Variants in GALNT16 observed in about 807,000 individuals in gnomAD.
GALNT16 encodes UDP-GalNAc:polypeptide N-acetylgalactosaminyltransferase-like protein 1.
In GALNT16, 40 loss-of-function variants were observed where a neutral mutation model predicts 76.1. The ratio of observed to expected loss-of-function variants is 0.53; its 90% CI spans 0.41 to 0.68. GALNT16 has a LOEUF of 0.68. Among genes scored for constraint, GALNT16 ranks in the 30% least tolerant of loss-of-function variants. The pLI is 0.00. For missense variants in GALNT16, 621 were observed against 731.9 expected (o/e 0.85, Z 1.75); for synonymous variants, 276 against 285.2 (o/e 0.97, Z 0.32).
At chr14:69,382,789 C>CAAAAAAAAAAAAAAAAA in the GALNT16 span, among the ~76,000 whole-genome samples, 6 of 103,168 alleles carry the variant, frequency 5.8e-5, no homozygotes, top group African/African-American at 2.2e-4. Flanking sequence ...ACTCTATCTC[C>CAAAAAAAAAAAAAAAAA]AAAAGAAAAA....
At chr14:69,362,234 C>T in the GALNT16 span, among the ~76,000 whole-genome samples, 5 of 152,186 alleles carry the variant, frequency 3.3e-5, no homozygotes, top group Non-Finnish European at 5.9e-5. Context: ...TGCCTCCTGG[C>T]CAGGGGTATT....
At chr14:69,267,068 G>A (rs908199673) in intron 1 of GALNT16, among the ~76,000 whole-genome samples, 2 of 152,140 alleles carry the variant, frequency 1.3e-5, no homozygotes, top group Non-Finnish European at 2.9e-5. Flanking sequence ...TCCAACCCAG[G>A]TGTGATTTCC....
the GALNT16 span, chr14:69,380,352 GA>G: frequency 7.3e-6 from 3 of 412,630 alleles, no homozygotes; most frequent in South Asian, 1.7e-4. Context: ...GAAAGAGAAA[GA>G]AAAAGAGGAG....
intron 14 of GALNT16, chr14:69,348,611 A>G (rs2045595497): frequency 6.5e-6 from 1 of 153,240 alleles, no homozygotes; most frequent in Non-Finnish European, 1.5e-5. Context: ...GTGATGTCCA[A>G]GCTGGCATGA....
chr14:69,299,221 T>C (rs1196258806), intron 1 of GALNT16, among the ~76,000 whole-genome samples: 1 of 152,200 alleles, frequency 6.6e-6, no homozygotes, highest in Non-Finnish European at 1.5e-5. Context: ...GCTGTTTCTC[T>C]CCTTTCATTC....
chr14:69,325,263 C>T (rs149219034), intron 3 of GALNT16, 74 bp from the exon 4 acceptor site: 127 of 939,710 alleles, frequency 1.4e-4, no homozygotes, highest in African/African-American at 1.3e-3. Flanking sequence ...GGGAGTCCCA[C>T]GGCCCCGGGA....
chr14:69,311,111 G>T (rs1277361365), intron 1 of GALNT16, among the ~76,000 whole-genome samples: 6 of 152,090 alleles, frequency 3.9e-5, no homozygotes, highest in Non-Finnish European at 7.3e-5. Context: ...AGCCAGGGTG[G>T]CTTATAAACA....
the GALNT16 span, among the ~76,000 whole-genome samples, chr14:69,377,647 A>C: frequency 6.6e-6 from 1 of 151,832 alleles, no homozygotes; most frequent in Non-Finnish European, 1.5e-5. Flanking sequence ...TCTCTACAAA[A>C]AATAATTTAA....
Position 69,352,423 on chromosome 14 carries a change from A to T in GALNT16, c.*255A>T, listed in dbSNP as rs998640723. The T allele has an allele frequency of 2.2e-6, 1 of 458,422 alleles. No individual in the cohort carries two copies. Among genetic ancestry groups the T allele is most frequent in the African/African-American group, 2.0e-5 (1 of 50,698 alleles). 28.4% of individuals were successfully genotyped at this position (458,422 alleles called of 1,614,324 possible). A position where few individuals can be genotyped will look rare whatever the true frequency, so the allele number is the denominator to read the frequency against. ...TCAGGGTGCTGGACTGTTGCTGGGT[A>T]GAGACTGAGTAGGTGCCCCTGGCCC... On this transcript the variant is annotated 3_prime_UTR_variant, in exon 15 of 15. Coordinates refer to ENST00000448469, the MANE Select transcript of GALNT16 (RefSeq NM_001168368.2).
In GALNT16 at chr14:69,339,881, C is replaced by G. The variant is rs1245747339; in HGVS notation, c.1187+262C>G. Among the ~76,000 whole-genome samples, 3 of 152,226 alleles carry G rather than the reference C, an allele frequency of 2.0e-5. No individual in the cohort carries two copies. In the East Asian group the frequency reaches 5.8e-4, roughly 29 times the overall value. ...CTGTCCACAGCTGCCTGCAGAAGAA[C>G]AGGCATCTGTGGAACTGCTTAGGAG... On this transcript the variant is annotated intron_variant, in intron 11 of 14. Coordinates refer to ENST00000448469, the MANE Select transcript of GALNT16 (RefSeq NM_001168368.2).
chr14:69,289,412 G>A (rs1020712449), intron 1 of GALNT16, among the ~76,000 whole-genome samples: 5 of 152,182 alleles, frequency 3.3e-5, no homozygotes, highest in African/African-American at 1.2e-4. Context: ...GGTCTCTGTG[G>A]TCAAAACTTT....
At chr14:69,264,736 C>T (rs1235191931) in intron 1 of GALNT16, among the ~76,000 whole-genome samples, 1 of 151,894 alleles carries the variant, frequency 6.6e-6, no homozygotes, top group Admixed American at 6.6e-5. Flanking sequence ...GAAGCACAAA[C>T]ACCCACAATT....
At chr14:69,332,078 A>T (rs1465587832) in intron 7 of GALNT16, among the ~76,000 whole-genome samples, 2 of 152,206 alleles carry the variant, frequency 1.3e-5, no homozygotes, top group Non-Finnish European at 2.9e-5. Context: ...GGCATAGAAG[A>T]CCCACAGGTT....
At chr14:69,294,704 T>C (rs1305919002) in intron 1 of GALNT16, among the ~76,000 whole-genome samples, 2 of 152,182 alleles carry the variant, frequency 1.3e-5, no homozygotes, top group Non-Finnish European at 2.9e-5. Flanking sequence ...ACCTACAATA[T>C]GCAGTCTTTT....
rs2045647584 is a variant in GALNT16, at chr14:69,352,256, C to T, written c.*88C>T. On this transcript the variant is annotated 3_prime_UTR_variant, in exon 15 of 15. Transcript: ENST00000448469. ...TGGGGGAGTGCAAAGTGGGCTGTTC[C>T]CATCTCCTCACATTTCTGCCAGGAC... The T allele has an allele frequency of 8.8e-7, 1 of 1,142,638 alleles. No homozygotes were observed. The highest frequency in any genetic ancestry group is 2.5e-5 in the East Asian group (1 of 39,396). The allele number at this position is 1,142,638 out of a possible 1,614,324, so 70.8% of individuals were successfully genotyped here.
intron 1 of GALNT16, among the ~76,000 whole-genome samples, chr14:69,312,103 A>ATCTC (rs761424756): frequency 6.8e-6 from 1 of 147,886 alleles, no homozygotes; most frequent in African/African-American, 2.5e-5. Context: ...CTATCTATCT[A>ATCTC]TATCTATCTA....
At chr14:69,280,033 A>G (rs11621144) in intron 1 of GALNT16, among the ~76,000 whole-genome samples, 10,890 of 152,308 alleles carry the variant, frequency 0.071, 491 homozygotes, top group African/African-American at 0.12. Context: ...GTATTGTAGT[A>G]AAATACATAT....
chr14:69,358,581 GT>G (rs1360726978), downstream of GALNT16: 1 of 153,022 alleles, frequency 6.5e-6, no homozygotes, highest in Non-Finnish European at 1.5e-5. Context: ...CAGCCATCAG[GT>G]GGGGGCTTGG....
intron 1 of GALNT16, among the ~76,000 whole-genome samples, chr14:69,311,995 G>GA (rs897712408): frequency 6.6e-6 from 1 of 150,890 alleles, no homozygotes; most frequent in African/African-American, 2.4e-5. Context: ...TTGAGGCCAG[G>GA]AATTTGAGAC....
Sources: allele counts gnomAD v4.1 joint callset (sites outside exome capture counted in the v4.1 genomes callset), GRCh38; gene constraint gnomAD v4.1.1; transcripts MANE v1.5; gene names NCBI Gene and HGNC (gene_info 2026-07-23, HGNC 2026-07-21).